Variants in ARHGEF28 observed in about 807,000 individuals in gnomAD.
ARHGEF28 encodes the protein 190 kDa guanine nucleotide exchange factor.
In ARHGEF28, 152 loss-of-function variants were observed where a neutral mutation model predicts 206.6. The ratio of observed to expected loss-of-function variants is 0.74; its 90% confidence interval spans 0.64 to 0.84. The LOEUF is 0.84. Among genes scored for constraint, ARHGEF28 ranks in the 40% least tolerant of loss-of-function variants. ARHGEF28 has a pLI of 0.00. For missense variants in ARHGEF28, 2,028 were observed against 2,073.2 expected (o/e 0.98, Z 0.42); for synonymous variants, 763 against 776.4 (o/e 0.98, Z 0.29).
chr5:73,717,771 G>A (rs1341059554), intron 2 of ARHGEF28, among the ~76,000 whole-genome samples: 1 of 152,150 alleles, frequency 6.6e-6, no homozygotes, highest in South Asian at 2.1e-4. Context: ...AGAGTGTCAT[G>A]TGTAAGTTTA....
chr5:73,792,778 G>A (rs1418252540), intron 7 of ARHGEF28, among the ~76,000 whole-genome samples: 1 of 151,824 alleles, frequency 6.6e-6, no homozygotes, highest in Non-Finnish European at 1.5e-5. Flanking sequence ...ACCATGGTAG[G>A]TGCTTCACAT....
intron 35 of ARHGEF28, among the ~76,000 whole-genome samples, chr5:73,939,194 C>A (rs1476285983): frequency 2.0e-5 from 3 of 152,152 alleles, no homozygotes; most frequent in Admixed American, 6.5e-5. Context: ...TTTCACTAGC[C>A]TGAGCCTCGG....
chr5:73,740,954 T>C (rs987151010), intron 2 of ARHGEF28, among the ~76,000 whole-genome samples: 1 of 152,172 alleles, frequency 6.6e-6, no homozygotes, highest in Admixed American at 6.5e-5. Flanking sequence ...TCTTGGTTTA[T>C]GTAGTTGATG....
At chr5:73,706,240 C>T (rs953353222) in intron 2 of ARHGEF28, among the ~76,000 whole-genome samples, 1 of 151,960 alleles carries the variant, frequency 6.6e-6, no homozygotes, top group Non-Finnish European at 1.5e-5. Context: ...AAAAATAAAC[C>T]AAGAGAGACA....
At chr5:73,861,567 G>A (rs571043182) in intron 16 of ARHGEF28, among the ~76,000 whole-genome samples, 136 of 152,240 alleles carry the variant, frequency 8.9e-4, no homozygotes, top group African/African-American at 3.3e-3. Context: ...TGAGTCGCTG[G>A]GACTATAGGC....
At chr5:73,849,592 A>C (rs1561455149) in intron 13 of ARHGEF28, among the ~76,000 whole-genome samples, 1 of 150,752 alleles carries the variant, frequency 6.6e-6, no homozygotes, top group African/African-American at 2.5e-5. Flanking sequence ...TTTTGGTGGC[A>C]ATGTAGGCAA....
intron 9 of ARHGEF28, among the ~76,000 whole-genome samples, chr5:73,810,911 G>A (rs943540630): frequency 2.6e-5 from 4 of 152,236 alleles, no homozygotes; most frequent in Non-Finnish European, 5.9e-5. Context: ...TAAGAAACAT[G>A]TCTTTCTCTT....
intron 9 of ARHGEF28, among the ~76,000 whole-genome samples, chr5:73,797,462 G>A (rs572711248): frequency 4.6e-5 from 7 of 152,242 alleles, no homozygotes; most frequent in East Asian, 3.9e-4. Context: ...ATGCAGTGGC[G>A]CCATCTTGGC....
intron 4 of ARHGEF28, among the ~76,000 whole-genome samples, chr5:73,757,604 A>C (rs1220117598): frequency 6.6e-6 from 1 of 152,214 alleles, no homozygotes; most frequent in Admixed American, 6.5e-5. Context: ...ATCTTGTAAC[A>C]AAAAGCAGAG....
intron 1 of ARHGEF28, among the ~76,000 whole-genome samples, chr5:73,670,716 A>G (rs950582639): frequency 3.9e-5 from 6 of 152,100 alleles, no homozygotes; most frequent in Non-Finnish European, 5.9e-5. Context: ...TCTCATTGTG[A>G]TTTTAATTTC....
chr5:73,822,019 C>T (rs1196590337), intron 9 of ARHGEF28, among the ~76,000 whole-genome samples: 1 of 152,136 alleles, frequency 6.6e-6, no homozygotes, highest in African/African-American at 2.4e-5. Flanking sequence ...CTATGTCTCT[C>T]CCCTATTATA....
Position 73,840,592 on chromosome 5 carries a change from C to G in ARHGEF28, c.1259C>G (p.Thr420Arg). Residue 420 changes from threonine (T) to arginine (R), a missense_variant, in exon 11 of 36, where the codon ACA (threonine) becomes AGA (arginine). Coordinates refer to ENST00000513042, the MANE Select transcript of ARHGEF28 (RefSeq NM_001177693.2). Reference sequence around the variant, plus strand: ...CAGAGCAGCAAACACACCCTTCCTACAGAAACCAGTCCCAGTGTGTACCCA... The same window carrying G: ...CAGAGCAGCAAACACACCCTTCCTAGAGAAACCAGTCCCAGTGTGTACCCA... ...WPQSSKHTLP[T>R]ETSPSVYPLS... 1 of 1,613,980 alleles carries G rather than the reference C, an allele frequency of 6.2e-7. No homozygotes were observed. Among genetic ancestry groups the G allele is most frequent in the Non-Finnish European group, 8.5e-7 (1 of 1,179,874 alleles).
At chr5:73,755,380 A>G (rs1752252142) in intron 4 of ARHGEF28, among the ~76,000 whole-genome samples, 1 of 152,084 alleles carries the variant, frequency 6.6e-6, no homozygotes, top group African/African-American at 2.4e-5. Context: ...GAGTAAAGGA[A>G]GAGCATCACA....
At position 73,887,620 on chromosome 5, in the gene ARHGEF28, C is replaced by T. The variant is rs761574286; in HGVS notation, c.3328C>T (p.Leu1110=). The change falls in exon 26 of 36, where the codon CTA becomes TTA. Residue 1110 remains leucine, a synonymous_variant. Transcript: ENST00000513042. The stretch of plus-strand genomic sequence containing the variant: ...CTTTAAAGATATCCTAGCTCTACTT[C>T]TAACTGATGTGCTGCTCTTTTTACA... ...GRFKDILALL[L]TDVLLFLQEK... 1.2e-4 allele frequency: 185 copies of T among 1,569,406 alleles called. No individual in the cohort carries two copies. Among genetic ancestry groups the T allele is most frequent in the Non-Finnish European group, 1.6e-4 (184 of 1,155,822 alleles).
At chr5:73,799,443 TTAAGTTCCTCCTTGAGGACTGTGAAACCA>T (rs1258853002) in intron 9 of ARHGEF28, among the ~76,000 whole-genome samples, 3 of 152,228 alleles carry the variant, frequency 2.0e-5, no homozygotes, top group Non-Finnish European at 4.4e-5. Context: ...CAGTTAAATG[TTAAGTTCCTCCTTGAGGACTGTGAAACCA>T]TAATGCCAGT....
chr5:73,774,228 A>G (rs1433926560), intron 5 of ARHGEF28, among the ~76,000 whole-genome samples, 190 bp downstream of exon 5: 3 of 152,230 alleles, frequency 2.0e-5, no homozygotes, highest in Non-Finnish European at 4.4e-5. Context: ...AGGGTGAGAT[A>G]GGAAAAAAGG....
At chr5:73,720,008 A>G (rs1209885903) in intron 2 of ARHGEF28, among the ~76,000 whole-genome samples, 1 of 152,280 alleles carries the variant, frequency 6.6e-6, no homozygotes, top group East Asian at 1.9e-4. Context: ...AAGAATGAGC[A>G]GGCACAGATT....
chr5:73,775,703 G>T (rs1242759537), intron 5 of ARHGEF28, among the ~76,000 whole-genome samples: 1 of 152,198 alleles, frequency 6.6e-6, no homozygotes, highest in Non-Finnish European at 1.5e-5. Context: ...GTGACATGCT[G>T]AGGTATGCTG....
chr5:73,721,840 C>T lies in ARHGEF28; in HGVS notation c.34-27997C>T, dbSNP rs556195902. ...GATCACATAACTAATAGTTGTCAGG[C>T]CAGTGCCCTTTGCATGGGAACTATT... On this transcript the variant is annotated intron_variant, in intron 2 of 35. Coordinates refer to ENST00000513042, the MANE Select transcript of ARHGEF28 (RefSeq NM_001177693.2). Among the ~76,000 whole-genome samples the T allele has an allele frequency of 1.8e-4, 27 of 152,294 alleles. No individual in the cohort carries two copies. In the South Asian group the frequency reaches 5.6e-3, roughly 32 times the overall value.
Sources: gnomAD v4.1 joint callset for allele counts (sites outside exome capture counted in the v4.1 genomes callset) on GRCh38, gnomAD v4.1.1 for gene constraint, MANE v1.5 for transcripts, NCBI Gene and HGNC (gene_info 2026-07-23, HGNC 2026-07-21) for gene names.